ARHGAP39: variants seen among roughly 807,000 people sequenced by gnomAD.
ARHGAP39 encodes the protein Rho GTPase activating protein 39, also known as rho GTPase-activating protein 39.
Under a neutral mutation model 106.9 loss-of-function variants are expected in ARHGAP39, and 44 were observed. That is an observed-to-expected ratio of 0.41 (90% CI 0.32 to 0.53). The LOEUF (loss-of-function observed/expected upper bound fraction) is 0.53, where lower values mean the gene tolerates loss of function less well. Ranked by LOEUF, ARHGAP39 falls within the 20% of genes least tolerant of loss-of-function variation. The pLI is 0.21. For missense variants in ARHGAP39, 1,496 were observed against 1,577.3 expected, an observed-to-expected ratio of 0.95 and a Z score of 0.87; for synonymous variants, 768 against 693.2, an observed-to-expected ratio of 1.11 and a Z score of -1.69.
At chr8:144,564,927 G>C (rs1048535316) in intron 3 of ARHGAP39, among the ~76,000 whole-genome samples, 1 of 151,940 alleles carries the variant, frequency 6.6e-6, no homozygotes, top group Non-Finnish European at 1.5e-5. Flanking sequence ...TGACCAATAT[G>C]ATGAAGCCCT....
At chr8:144,685,858 G>T (rs1822577299), upstream of ARHGAP39, among the ~76,000 whole-genome samples, 1 of 148,750 alleles carries the variant, frequency 6.7e-6, no homozygotes, top group Middle Eastern at 3.4e-3. Context: ...GCGGCCGCGC[G>T]TCCTCCCGTC....
intron 1 of ARHGAP39, among the ~76,000 whole-genome samples, chr8:144,624,513 C>T (rs1193888110): frequency 1.3e-5 from 2 of 152,260 alleles, no homozygotes; most frequent in Admixed American, 1.3e-4. Context: ...CACATCTGCA[C>T]CGACACGGCT....
chr8:144,600,995 CAT>C lies in ARHGAP39; in HGVS notation c.80+4538_80+4539del, dbSNP rs1819886950. 4.0e-5 allele frequency among the ~76,000 whole-genome samples: 5 copies of C among 125,494 alleles called. No individual in the cohort carries two copies. In the South Asian group the frequency reaches 1.3e-3, roughly 33 times the overall value. 82.3% of individuals were successfully genotyped at this position (125,494 alleles called of 152,430 possible). Reference sequence around the variant, plus strand: ...GTGCGTGGAGGTGTGTGTGCGAGCTCATGTACCTGTGTGTGTGCGTGGAGGCG... The same window carrying C: ...GTGCGTGGAGGTGTGTGTGCGAGCTCGTACCTGTGTGTGTGCGTGGAGGCG... On this transcript the variant is annotated intron_variant, in intron 2 of 11. Coordinates refer to ENST00000377307, the MANE Select transcript of ARHGAP39 (RefSeq NM_025251.3).
At chr8:144,619,897 CCT>C (rs1291822617) in intron 1 of ARHGAP39, among the ~76,000 whole-genome samples, 6 of 133,572 alleles carry the variant, frequency 4.5e-5, no homozygotes, top group African/African-American at 8.5e-5. Flanking sequence ...CCTGTACATC[CCT>C]GAGAGAGCGT....
chr8:144,658,419 C>T (rs976634323), intron 1 of ARHGAP39, among the ~76,000 whole-genome samples: 1 of 152,196 alleles, frequency 6.6e-6, no homozygotes, highest in Non-Finnish European at 1.5e-5. Flanking sequence ...GGATTACAGG[C>T]ATGTGCCACC....
chr8:144,601,621 T>C (rs1040420277), intron 2 of ARHGAP39, among the ~76,000 whole-genome samples: 1 of 136,434 alleles, frequency 7.3e-6, no homozygotes, highest in African/African-American at 2.8e-5. Flanking sequence ...TGTGTGTGCA[T>C]GGAGGCGTGC....
At chr8:144,549,390 G>A (rs770584765) in intron 4 of ARHGAP39, among the ~76,000 whole-genome samples, 6 of 152,210 alleles carry the variant, frequency 3.9e-5, no homozygotes, top group Non-Finnish European at 5.9e-5. Flanking sequence ...TTGCACATCC[G>A]CGGCCTGACG....
At chr8:144,611,209 G>T (rs1229303658) in intron 1 of ARHGAP39, among the ~76,000 whole-genome samples, 1 of 152,106 alleles carries the variant, frequency 6.6e-6, no homozygotes, top group East Asian at 1.9e-4. Flanking sequence ...ATTTTTTATT[G>T]GTTTCTAATT....
At chr8:144,540,797 G>A (rs529354253) in intron 6 of ARHGAP39, among the ~76,000 whole-genome samples, 2 of 150,782 alleles carry the variant, frequency 1.3e-5, no homozygotes, top group South Asian at 4.2e-4. Flanking sequence ...GAACCTGTCT[G>A]GAAAAAAAAA....
chr8:144,647,536 A>G lies in ARHGAP39; in HGVS notation c.-82+38150T>C, dbSNP rs1469347374. Among the ~76,000 whole-genome samples the G allele has an allele frequency of 1.3e-5, 2 of 152,248 alleles. No individual in the cohort carries two copies. Among genetic ancestry groups the G allele is most frequent in the African/African-American group, 4.8e-5 (2 of 41,476 alleles). The stretch of plus-strand genomic sequence containing the variant: ...CCCTGCTGCCCACACTGCCCTGTGC[A>G]CTGCTGTCAGCCACGCCTGAACAGA... On this transcript the variant is annotated intron_variant, in intron 1 of 11. Coordinates refer to ENST00000377307, the MANE Select transcript of ARHGAP39 (RefSeq NM_025251.3). This position sits in a 1 kb window ranked among gnomAD's most constrained non-coding sequence, Gnocchi z 4.8.
chr8:144,669,932 G>A (rs1434818484), intron 1 of ARHGAP39, among the ~76,000 whole-genome samples: 2 of 152,222 alleles, frequency 1.3e-5, no homozygotes, highest in African/African-American at 4.8e-5. Context: ...GTAGGACGGG[G>A]CAGCTGCTTT....
chr8:144,593,372 G>A (rs967467930), intron 2 of ARHGAP39, among the ~76,000 whole-genome samples: 2 of 152,120 alleles, frequency 1.3e-5, no homozygotes, highest in Non-Finnish European at 2.9e-5. Flanking sequence ...GCAGGTGGAC[G>A]TCTACCTGCA....
chr8:144,629,038 C>A (rs544773991), intron 1 of ARHGAP39, among the ~76,000 whole-genome samples: 10 of 152,350 alleles, frequency 6.6e-5, no homozygotes, highest in Admixed American at 1.3e-4. Context: ...CTCCCTCCCC[C>A]AAAGGTGTTG....
rs559128377 is a variant in ARHGAP39 at position 144,574,274 on chromosome 8, C to A, written c.512+6572G>T. On this transcript the variant is annotated intron_variant, in intron 3 of 11. Transcript: ENST00000377307. The stretch of plus-strand genomic sequence containing the variant: ...GCTGGGCTAGGTGCAGTGTCTCACA[C>A]GTATAATCCCAGCATTTTAGGAGGC... Among the ~76,000 whole-genome samples, 25 of 152,062 alleles carry A rather than the reference C, an allele frequency of 1.6e-4. No homozygotes were observed. In the South Asian group the frequency reaches 4.4e-3, roughly 27 times the overall value.
chr8:144,632,756 C>T (rs915283146), intron 1 of ARHGAP39, among the ~76,000 whole-genome samples: 1 of 152,214 alleles, frequency 6.6e-6, no homozygotes, highest in African/African-American at 2.4e-5. Context: ...GGCAGGGACT[C>T]GGCACATTTC....
chr8:144,654,410 G>A (rs896677986), intron 1 of ARHGAP39, among the ~76,000 whole-genome samples: 1 of 152,120 alleles, frequency 6.6e-6, no homozygotes, highest in African/African-American at 2.4e-5. Context: ...GAGCTGAGGT[G>A]GGAGGATCAA....
chr8:144,541,543 C>T (rs1292819995), intron 6 of ARHGAP39, among the ~76,000 whole-genome samples: 2 of 152,200 alleles, frequency 1.3e-5, no homozygotes, highest in South Asian at 2.1e-4. Flanking sequence ...CTCCCTCAGC[C>T]GTGGCACCCA....
intron 1 of ARHGAP39, among the ~76,000 whole-genome samples, chr8:144,630,335 C>A (rs993765082): frequency 2.6e-5 from 4 of 152,226 alleles, no homozygotes; most frequent in Non-Finnish European, 5.9e-5. Flanking sequence ...TCTACCTTGA[C>A]AACAGATGAA....
At chr8:144,577,581 T>A (rs1818822141) in intron 3 of ARHGAP39, among the ~76,000 whole-genome samples, 1 of 152,222 alleles carries the variant, frequency 6.6e-6, no homozygotes, top group Non-Finnish European at 1.5e-5. Flanking sequence ...AAGGAAGATG[T>A]TAGACTATCA....
Sources: gnomAD v4.1 joint callset for allele counts (sites outside exome capture counted in the v4.1 genomes callset) on GRCh38, gnomAD v4.1.1 for gene constraint, Gnocchi (gnomAD v3.1) non-coding constraint, MANE v1.5 for transcripts, NCBI Gene and HGNC (gene_info 2026-07-23, HGNC 2026-07-21) for gene names.